TEX11: variants seen among roughly 807,000 people sequenced by gnomAD.
TEX11 encodes testis expressed 11, also known as testis-expressed protein 11.
Under a neutral mutation model 84.4 loss-of-function variants are expected in TEX11, and 7 were observed. That is an observed-to-expected ratio of 0.08 (90% CI 0.05 to 0.16). The LOEUF is 0.16. Ranked by LOEUF, TEX11 falls within the 10% of genes least tolerant of loss-of-function variation. The probability of loss-of-function intolerance (pLI) is 1.00; values close to 1 mark genes in which losing one functional copy is unlikely to be tolerated. For missense variants in TEX11, 551 were observed against 660.5 expected, an observed-to-expected ratio of 0.83 and a Z score of 1.82; for synonymous variants, 264 against 222.8, an observed-to-expected ratio of 1.18 and a Z score of -1.64.
At chrX:70,817,897 G>A (rs1476657941) in intron 8 of TEX11, among the ~76,000 whole-genome samples, 2 of 111,781 alleles carry the variant, frequency 1.8e-5, no homozygotes, top group South Asian at 3.7e-4. Context: ...ATGGCAACAC[G>A]TAAAAAACAC....
At chrX:70,883,269 C>T (rs1459299217) in intron 2 of TEX11, among the ~76,000 whole-genome samples, 1 of 111,734 alleles carries the variant, frequency 8.9e-6, no homozygotes, top group Non-Finnish European at 1.9e-5. Context: ...GCCACTGCAT[C>T]CGATGAAAAG....
At chrX:70,906,731 G>A (rs1437883886) in intron 2 of TEX11, among the ~76,000 whole-genome samples, 3 of 111,407 alleles carry the variant, frequency 2.7e-5, no homozygotes, top group African/African-American at 9.8e-5. Flanking sequence ...AGGTTGCAGT[G>A]AGCCAAGATG....
chrX:70,729,954 T>G (rs943508678), intron 11 of TEX11, among the ~76,000 whole-genome samples: 3 of 112,403 alleles, frequency 2.7e-5, no homozygotes, highest in African/African-American at 9.7e-5. Flanking sequence ...GACTAACAGC[T>G]GATCTCTCGG....
intron 24 of TEX11, among the ~76,000 whole-genome samples, chrX:70,601,237 CACCTCT>C (rs2089102562): frequency 1.4e-5 from 1 of 71,036 alleles, no homozygotes; most frequent in Non-Finnish European, 2.7e-5. Context: ...ATACTACAAA[CACCTCT>C]ACGCAAATAA....
At chrX:70,554,890 T>C in intron 25 of TEX11, 90 bp from the exon 26 acceptor site, 1 of 856,593 alleles carries the variant, frequency 1.2e-6, no homozygotes, top group Non-Finnish European at 1.6e-6. Flanking sequence ...AGGTTTTCCT[T>C]CTAAGAAATA....
chrX:70,789,599 C>A (rs2091106080), intron 9 of TEX11, among the ~76,000 whole-genome samples: 1 of 111,763 alleles, frequency 8.9e-6, no homozygotes, highest in South Asian at 3.8e-4. Context: ...TGAGATATCA[C>A]CTCATACCTG....
chrX:70,708,797 G>T (rs769398055), intron 13 of TEX11, among the ~76,000 whole-genome samples: 3 of 110,407 alleles, frequency 2.7e-5, no homozygotes, highest in East Asian at 2.9e-4. Flanking sequence ...ACTAGTAGAG[G>T]GGGGAGAGGT....
At chrX:70,768,073 G>A (rs771602293) in intron 9 of TEX11, among the ~76,000 whole-genome samples, 12 of 111,016 alleles carry the variant, frequency 1.1e-4, no homozygotes, top group South Asian at 3.8e-4. Flanking sequence ...ATTTGATAGC[G>A]CAACAGGGAG....
intron 25 of TEX11, among the ~76,000 whole-genome samples, chrX:70,577,293 A>G (rs1321917003): frequency 8.9e-6 from 1 of 112,115 alleles, no homozygotes; most frequent in Non-Finnish European, 1.9e-5. Context: ...TGGCAGATGG[A>G]GAATTCTTAC....
intron 4 of TEX11, among the ~76,000 whole-genome samples, chrX:70,871,232 T>G (rs1253914187): frequency 8.9e-6 from 1 of 112,459 alleles, no homozygotes; most frequent in Non-Finnish European, 1.9e-5. Flanking sequence ...TTTATACCAA[T>G]ATTTAAGAAC....
chrX:70,710,584 T>C (rs1169750766), intron 13 of TEX11, among the ~76,000 whole-genome samples: 2 of 106,893 alleles, frequency 1.9e-5, no homozygotes, highest in African/African-American at 6.8e-5. Context: ...TCCCAAACCA[T>C]ACTACTCTGA....
chrX:70,778,648 TG>T (rs2091016952), intron 9 of TEX11, among the ~76,000 whole-genome samples: 1 of 101,399 alleles, frequency 9.9e-6, no homozygotes, highest in South Asian at 4.9e-4. Context: ...TGTTTGTTTT[TG>T]TTTTTTGTTT....
intron 17 of TEX11, among the ~76,000 whole-genome samples, chrX:70,642,348 G>C: frequency 9.0e-6 from 1 of 111,312 alleles, no homozygotes; most frequent in Non-Finnish European, 1.9e-5. Flanking sequence ...GTACAAGGAG[G>C]AACCGGTACC....
At chrX:70,634,624 T>G (rs1448372728) in intron 17 of TEX11, among the ~76,000 whole-genome samples, 1 of 110,099 alleles carries the variant, frequency 9.1e-6, no homozygotes, top group Non-Finnish European at 1.9e-5. Context: ...ATATGACAAC[T>G]AATTTCTGAT....
chrX:70,868,944 A>G (rs1328822934), intron 4 of TEX11, among the ~76,000 whole-genome samples: 1 of 108,359 alleles, frequency 9.2e-6, no homozygotes, highest in Non-Finnish European at 1.9e-5. Context: ...TAAAACCTAG[A>G]TGACAGGTTG....
chrX:70,657,024 T>C (rs1043611442), intron 16 of TEX11, among the ~76,000 whole-genome samples: 2 of 112,021 alleles, frequency 1.8e-5, no homozygotes, highest in Non-Finnish European at 3.8e-5. Flanking sequence ...TGTTGTCCAA[T>C]AGAGTTCTGT....
At chrX:70,549,383 C>G (rs1343752846) in intron 28 of TEX11, among the ~76,000 whole-genome samples, 1 of 110,886 alleles carries the variant, frequency 9.0e-6, no homozygotes, top group East Asian at 2.8e-4. Flanking sequence ...TTGAGAAAAG[C>G]AGAGGGAAGA....
intron 13 of TEX11, 58 bp downstream of exon 13, chrX:70,722,560 C>T: frequency 1.0e-6 from 1 of 972,022 alleles, no homozygotes; most frequent in Non-Finnish European, 1.5e-6. Context: ...TAGGTGTGAG[C>T]CACTGGTGCC....
intron 9 of TEX11, among the ~76,000 whole-genome samples, chrX:70,769,297 T>G (rs1411575396): frequency 9.0e-6 from 1 of 111,111 alleles, no homozygotes; most frequent in East Asian, 2.8e-4. Context: ...ATGCTTTCAA[T>G]ATATCAAAAA....
Sources: allele counts gnomAD v4.1 joint callset (sites outside exome capture counted in the v4.1 genomes callset), GRCh38; gene constraint gnomAD v4.1.1; transcripts MANE v1.5; gene names NCBI Gene and HGNC (gene_info 2026-07-23, HGNC 2026-07-21).